The following ADGB variants were observed in gnomAD, a reference collection of about 807,000 sequenced individuals.
The protein encoded by ADGB is calpain-7-like protein.
ADGB carries 172 observed loss-of-function variants against 210.5 expected under a neutral mutation model. That is an observed-to-expected ratio of 0.82 (90% CI 0.72 to 0.93). ADGB has a LOEUF of 0.93. Among genes scored for constraint, ADGB ranks in the 40% least tolerant of loss-of-function variants. The probability of loss-of-function intolerance (pLI) is 0.00; values close to 1 mark genes in which losing one functional copy is unlikely to be tolerated. For missense variants in ADGB, 2,025 were observed against 1,964.8 expected (o/e 1.03, Z -0.58); for synonymous variants, 658 against 662.7 (o/e 0.99, Z 0.11).
intron 13 of ADGB, among the ~76,000 whole-genome samples, chr6:146,713,682 C>T (rs6921206): frequency 0.077 from 11,761 of 152,040 alleles, 1,525 homozygotes; most frequent in African/African-American, 0.27. Context: ...TATTTTCTCC[C>T]AGTTTGTAGG....
chr6:146,785,519 C>T, intron 31 of ADGB, 91 bp from the exon 32 acceptor site: 1 of 905,948 alleles, frequency 1.1e-6, no homozygotes, highest in South Asian at 2.1e-5. Flanking sequence ...TTTCCTGTTT[C>T]GTTTTCGATT....
rs2114666042 is a variant in ADGB at position 146,802,004 on chromosome 6, A to T, written c.4811A>T (p.Glu1604Val). The change falls in exon 35 of 36, where the codon GAA becomes GTA. Residue 1604 changes from glutamate (E) to valine (V), a missense_variant. By Grantham distance (121) the Glu-to-Val change is moderately radical (BLOSUM62 -2). Coordinates refer to ENST00000397944, the MANE Select transcript of ADGB (RefSeq NM_024694.4). ...LKDEVLDMYKEMQDSLDEARQ... is the reference protein window; with the variant it reads ...LKDEVLDMYKVMQDSLDEARQ... ...GATGAAGTCCTGGATATGTATAAGG[A>T]AATGCAGGTGAGTCTAAAAGCACAT... 6.5e-7 allele frequency: 1 copy of T among 1,541,406 alleles called. No homozygotes were observed. The highest frequency in any genetic ancestry group is 8.7e-7 in the Non-Finnish European group (1 of 1,143,194).
rs11385067 is a variant in ADGB, at chr6:146,735,038, T to TAA, written c.2794+1017_2794+1018dup. On this transcript the variant is annotated intron_variant, in intron 22 of 35. Transcript: ENST00000397944. ...TTACATATATTGAAAAACTTTCTTGTAAAAAAAAAAGAATCTATTTAAAAC... is the reference window on the plus strand; with the variant it reads ...TTACATATATTGAAAAACTTTCTTGTAAAAAAAAAAAAGAATCTATTTAAAAC... 2.6e-4 allele frequency among the ~76,000 whole-genome samples: 39 copies of TAA among 150,010 alleles called. 1 individual carries two copies. Among genetic ancestry groups the TAA allele is most frequent in the East Asian group, 1.2e-3 (6 of 5,126 alleles).
chr6:146,656,917 T>C lies in ADGB; in HGVS notation c.549T>C (p.Ala183=), dbSNP rs1338010742. 3 of 1,551,656 alleles carry C rather than the reference T, an allele frequency of 1.9e-6. No homozygotes were observed. The highest frequency in any genetic ancestry group is 2.4e-5 in the East Asian group (1 of 40,896). The stretch of plus-strand genomic sequence containing the variant: ...AACACATATACTCTCTGTGCAAGGC[T>C]GTGAAGGGTCATATGCCTTTGTTCA... ...PWEHIYSLCK[A]VKGHMPLFNS... Residue 183 remains alanine, a synonymous_variant, in exon 5 of 36, where the codon GCT becomes GCC. Transcript: ENST00000397944.
rs1169445150 is a variant in ADGB, at chr6:146,741,098, T to G, written c.3024-20T>G. 1 of 1,491,348 alleles carries G rather than the reference T, an allele frequency of 6.7e-7. No homozygotes were observed. Among genetic ancestry groups the G allele is most frequent in the Non-Finnish European group, 8.9e-7 (1 of 1,120,860 alleles). 92.4% of individuals were successfully genotyped at this position (1,491,348 alleles called of 1,614,324 possible). ...TTAAGAATTCACATCAAGGGAAAGTTCATGCTTTTGTAATTACAGAGAAAC... is the reference window on the plus strand; with the variant it reads ...TTAAGAATTCACATCAAGGGAAAGTGCATGCTTTTGTAATTACAGAGAAAC... On this transcript the variant is annotated intron_variant, in intron 24 of 35. Coordinates refer to ENST00000397944, the MANE Select transcript of ADGB (RefSeq NM_024694.4).
intron 5 of ADGB, among the ~76,000 whole-genome samples, chr6:146,660,215 G>T (rs1255916881): frequency 2.6e-5 from 4 of 151,978 alleles, no homozygotes; most frequent in Non-Finnish European, 4.4e-5. Flanking sequence ...TGACATTTTT[G>T]TTCATTAAAT....
At chr6:146,761,305 A>G (rs62434383) in intron 27 of ADGB, among the ~76,000 whole-genome samples, 19,800 of 151,942 alleles carry the variant, frequency 0.13, 1,640 homozygotes, top group East Asian at 0.38. Context: ...CTTTATTCCC[A>G]TGTAGATATA....
intron 4 of ADGB, among the ~76,000 whole-genome samples, chr6:146,654,923 G>A (rs780379626): frequency 1.3e-5 from 2 of 152,056 alleles, no homozygotes; most frequent in African/African-American, 2.4e-5. Flanking sequence ...TTATCTTTCA[G>A]AAGTAAAACT....
chr6:146,767,608 A>G (rs192801477), intron 28 of ADGB, among the ~76,000 whole-genome samples: 2 of 152,240 alleles, frequency 1.3e-5, no homozygotes, highest in Admixed American at 1.3e-4. Context: ...AGCTGGGATT[A>G]TAGGCACATG....
At chr6:146,604,190 C>A (rs994349638) in intron 1 of ADGB, among the ~76,000 whole-genome samples, 2 of 152,130 alleles carry the variant, frequency 1.3e-5, no homozygotes, top group Non-Finnish European at 2.9e-5. Context: ...TGGCCGAGGA[C>A]TTTGATTGTA....
intron 28 of ADGB, among the ~76,000 whole-genome samples, chr6:146,764,599 G>T (rs1181618922): frequency 6.6e-6 from 1 of 152,028 alleles, no homozygotes; most frequent in Non-Finnish European, 1.5e-5. Flanking sequence ...GAAAATGCCA[G>T]AAATAAATGT....
At chr6:146,735,846 G>A (rs1161628501) in intron 22 of ADGB, among the ~76,000 whole-genome samples, 1 of 151,914 alleles carries the variant, frequency 6.6e-6, no homozygotes. Context: ...TACATATTTT[G>A]GCCTTATAGC....
chr6:146,606,680 T>G (rs9390398), intron 1 of ADGB, among the ~76,000 whole-genome samples: 1 of 152,104 alleles, frequency 6.6e-6, no homozygotes, highest in Non-Finnish European at 1.5e-5. Flanking sequence ...TTGCTTGTTA[T>G]TGTTGACTTT....
At chr6:146,726,930 C>A (rs1776903827) in intron 19 of ADGB, among the ~76,000 whole-genome samples, 1 of 152,092 alleles carries the variant, frequency 6.6e-6, no homozygotes, top group African/African-American at 2.4e-5. Context: ...GAAGGAGTAG[C>A]TCAGAAGGTT....
intron 7 of ADGB, 95 bp downstream of exon 7, chr6:146,666,997 G>A (rs775534266): frequency 1.3e-5 from 13 of 972,392 alleles, no homozygotes; most frequent in Non-Finnish European, 1.9e-5. Context: ...TTCAAGAAAG[G>A]TCATGTTTTG....
At chr6:146,705,305 A>C (rs1323597553) in intron 13 of ADGB, among the ~76,000 whole-genome samples, 1 of 152,000 alleles carries the variant, frequency 6.6e-6, no homozygotes, top group Non-Finnish European at 1.5e-5. Flanking sequence ...TCTAGCTAGG[A>C]CTTTAGGTGA....
chr6:146,676,625 C>G (rs73787503), intron 9 of ADGB, among the ~76,000 whole-genome samples, 184 bp downstream of exon 9: 1 of 152,160 alleles, frequency 6.6e-6, no homozygotes, highest in Non-Finnish European at 1.5e-5. Flanking sequence ...ATGACAGAAG[C>G]CTGTTGTCCA....
At chr6:146,672,812 C>A (rs920458092) in intron 8 of ADGB, among the ~76,000 whole-genome samples, 2 of 150,950 alleles carry the variant, frequency 1.3e-5, no homozygotes, top group Non-Finnish European at 2.9e-5. Context: ...CTCACTGCAA[C>A]CTTCATCTCC....
At chr6:146,676,512 T>C (rs1021869403) in intron 9 of ADGB, 71 bp downstream of exon 9, 1 of 1,184,078 alleles carries the variant, frequency 8.4e-7, no homozygotes, top group Admixed American at 4.1e-5. Context: ...CCTTGGAACA[T>C]AGAAATACAT....
Sources: gnomAD v4.1 joint callset for allele counts (sites outside exome capture counted in the v4.1 genomes callset) on GRCh38, gnomAD v4.1.1 for gene constraint, MANE v1.5 for transcripts, NCBI Gene and HGNC (gene_info 2026-07-23, HGNC 2026-07-21) for gene names.